The following ASXL3 variants were observed in gnomAD, a reference collection of about 807,000 sequenced individuals.
The protein encoded by ASXL3 is ASXL transcriptional regulator 3.
A neutral mutation model predicts 170.6 loss-of-function variants in ASXL3; 34 were observed. The observed-to-expected ratio is 0.20, with a 90% CI of 0.15 to 0.27. The LOEUF (loss-of-function observed/expected upper bound fraction) is 0.27, where lower values mean the gene tolerates loss of function less well. Among genes scored for constraint, ASXL3 ranks in the 10% least tolerant of loss-of-function variants. The probability of loss-of-function intolerance (pLI) is 1.00; values close to 1 mark genes in which losing one functional copy is unlikely to be tolerated. For missense variants in ASXL3, 2,592 were observed against 2,695.3 expected (o/e 0.96, Z 0.85); for synonymous variants, 1,002 against 989.1 (o/e 1.01, Z -0.24).
chr18:33,740,285 A>G lies in ASXL3; in HGVS notation c.2881A>G (p.Ile961Val), dbSNP rs374142239. The G allele has an allele frequency of 8.7e-6, 14 of 1,612,610 alleles. No homozygotes were observed. Among genetic ancestry groups the G allele is most frequent in the Non-Finnish European group, 1.2e-5 (14 of 1,179,282 alleles). ...AAGAAATGAAAGTAGAGATTCAGAG[A>G]TATCAAAGAGAAAAACTGCAGAGCA... ...GIRNESRDSE[I>V]SKRKTAEQHS... The change falls in exon 11 of 12, where the codon ATA becomes GTA. Residue 961 changes from isoleucine to valine, a missense_variant. By Grantham distance (29) the Ile-to-Val change is conservative. Transcript: ENST00000269197.
intron 5 of ASXL3, among the ~76,000 whole-genome samples, chr18:33,670,060 T>C (rs761465373): frequency 6.6e-6 from 1 of 152,154 alleles, no homozygotes; most frequent in Non-Finnish European, 1.5e-5. Flanking sequence ...GTTCTGAAGG[T>C]TAATGCCCAA....
intron 8 of ASXL3, among the ~76,000 whole-genome samples, chr18:33,698,614 G>A (rs2066814510): frequency 6.6e-6 from 1 of 152,064 alleles, no homozygotes; most frequent in African/African-American, 2.4e-5. Flanking sequence ...TTAGAAGAGG[G>A]CTTAAGATGA....
intron 8 of ASXL3, among the ~76,000 whole-genome samples, chr18:33,718,490 C>T (rs1473473051): frequency 6.6e-6 from 1 of 152,058 alleles, no homozygotes; most frequent in African/African-American, 2.4e-5. Flanking sequence ...TTTTCATGGT[C>T]AGGAGTCTGG....
intron 8 of ASXL3, among the ~76,000 whole-genome samples, chr18:33,700,112 C>A (rs146074221): frequency 1.3e-5 from 2 of 152,140 alleles, no homozygotes; most frequent in Non-Finnish European, 2.9e-5. Context: ...GTAACTGGAA[C>A]AGCATGTTAA....
chr18:33,616,461 G>C (rs543469863), intron 2 of ASXL3, among the ~76,000 whole-genome samples: 3 of 151,632 alleles, frequency 2.0e-5, no homozygotes, highest in Non-Finnish European at 4.4e-5. Flanking sequence ...CACATTTCTG[G>C]TAGTTATCAC....
intron 1 of ASXL3, among the ~76,000 whole-genome samples, chr18:33,582,359 T>C (rs2065001036): frequency 6.6e-6 from 1 of 152,202 alleles, no homozygotes; most frequent in Non-Finnish European, 1.5e-5. Context: ...CTAAGGGGTT[T>C]CTTTGTTACT....
intron 5 of ASXL3, among the ~76,000 whole-genome samples, chr18:33,668,909 C>CACCA (rs397959717): frequency 6.0e-5 from 9 of 150,712 alleles, no homozygotes; most frequent in Admixed American, 1.3e-4. Context: ...CACACACACA[C>CACCA]CACACACACA....
chr18:33,587,764 T>A (rs1172372244), intron 1 of ASXL3, among the ~76,000 whole-genome samples: 1 of 151,760 alleles, frequency 6.6e-6, no homozygotes, highest in African/African-American at 2.4e-5. Flanking sequence ...ATTTGTAGAT[T>A]ACAATTAAAA....
At chr18:33,694,406 G>A (rs1228996680) in intron 8 of ASXL3, among the ~76,000 whole-genome samples, 1 of 152,064 alleles carries the variant, frequency 6.6e-6, no homozygotes, top group African/African-American at 2.4e-5. Flanking sequence ...AACTAAAGTG[G>A]AGTCCTATTA....
At chr18:33,610,253 A>G (rs1213126982) in intron 2 of ASXL3, among the ~76,000 whole-genome samples, 1 of 152,106 alleles carries the variant, frequency 6.6e-6, no homozygotes, top group East Asian at 1.9e-4. Flanking sequence ...GAAGTCAAAC[A>G]TAAGCTGATT....
chr18:33,597,913 C>T (rs190993258), intron 1 of ASXL3, among the ~76,000 whole-genome samples: 13 of 152,088 alleles, frequency 8.5e-5, no homozygotes, highest in Admixed American at 3.3e-4. Context: ...ATTTTGATTA[C>T]GAAATGCTTT....
chr18:33,746,835 T>TTCTA lies in ASXL3; in HGVS notation c.*244_*247dup, dbSNP rs2067803039. The TTCTA allele has an allele frequency of 1.4e-5, 8 of 578,832 alleles. No individual in the cohort carries two copies. The South Asian group carries it at 3.0e-4, about 22-fold the overall frequency. The allele number at this position is 578,832 out of a possible 1,614,324, so 35.9% of individuals were successfully genotyped here. A position where few individuals can be genotyped will look rare whatever the true frequency, so the allele number is the denominator to read the frequency against. ...GTTGCCATTCCTAGCTTTGGAAAGT[T>TTCTA]TCTATCTGTCCATGTGTATACAAGT... On this transcript the variant is annotated 3_prime_UTR_variant, in exon 12 of 12. Transcript: ENST00000269197.
chr18:33,620,093 C>T (rs2065486296), intron 2 of ASXL3, among the ~76,000 whole-genome samples: 1 of 152,210 alleles, frequency 6.6e-6, no homozygotes, highest in East Asian at 1.9e-4. Flanking sequence ...ATTATACTCC[C>T]ACTGGGAAGT....
At chr18:33,676,391 A>C (rs1250566583) in intron 7 of ASXL3, among the ~76,000 whole-genome samples, 1 of 152,044 alleles carries the variant, frequency 6.6e-6, no homozygotes, top group African/African-American at 2.4e-5. Context: ...TATGAAAACT[A>C]TGATGATATT....
chr18:33,705,619 A>T (rs1476596026), intron 8 of ASXL3, among the ~76,000 whole-genome samples: 1 of 151,838 alleles, frequency 6.6e-6, no homozygotes, highest in Non-Finnish European at 1.5e-5. Flanking sequence ...TCCGTTTCTG[A>T]TATTATGAAT....
chr18:33,712,980 G>A (rs1246743310), intron 8 of ASXL3, among the ~76,000 whole-genome samples: 1 of 152,012 alleles, frequency 6.6e-6, no homozygotes, highest in East Asian at 1.9e-4. Context: ...GGTTGAAGCT[G>A]GCTCATCCAC....
chr18:33,670,594 C>T (rs1348876814), intron 5 of ASXL3, 79 bp from the exon 6 acceptor site: 2 of 1,082,018 alleles, frequency 1.8e-6, no homozygotes, highest in Non-Finnish European at 1.3e-6. Flanking sequence ...TAATGATGGA[C>T]AAATGAGTCA....
At chr18:33,731,060 A>C (rs963015022) in intron 8 of ASXL3, among the ~76,000 whole-genome samples, 1 of 152,164 alleles carries the variant, frequency 6.6e-6, no homozygotes, top group African/African-American at 2.4e-5. Context: ...GCTTAAGATA[A>C]TATACTTGTT....
intron 6 of ASXL3, among the ~76,000 whole-genome samples, 167 bp from the exon 7 acceptor site, chr18:33,671,580 A>T (rs911951454): frequency 6.6e-6 from 1 of 152,156 alleles, no homozygotes; most frequent in Admixed American, 6.6e-5. Flanking sequence ...TGATTGATTT[A>T]TTGGGCTTCT....
Sources: gnomAD v4.1 joint callset for allele counts (sites outside exome capture counted in the v4.1 genomes callset) on GRCh38, gnomAD v4.1.1 for gene constraint, MANE v1.5 for transcripts, NCBI Gene and HGNC (gene_info 2026-07-23, HGNC 2026-07-21) for gene names.